RELL1: variants seen among roughly 807,000 people sequenced by gnomAD.
The protein encoded by RELL1 is RELT like 1.
In RELL1, 10 loss-of-function variants were observed where a neutral mutation model predicts 23.0. The ratio of observed to expected loss-of-function variants is 0.43; its 90% CI spans 0.27 to 0.74. The LOEUF is 0.74. Among genes scored for constraint, RELL1 ranks in the 30% least tolerant of loss-of-function variants. The probability of loss-of-function intolerance (pLI) is 0.19; values close to 1 mark genes in which losing one functional copy is unlikely to be tolerated. For missense variants in RELL1, 315 were observed against 364.4 expected (o/e 0.86, Z 1.10); for synonymous variants, 146 against 146.8 (o/e 0.99, Z 0.04).
chr4:37,670,651 A>G (rs910002798), intron 1 of RELL1, among the ~76,000 whole-genome samples: 2 of 151,696 alleles, frequency 1.3e-5, no homozygotes, highest in Non-Finnish European at 2.9e-5. Context: ...GCTCACTGCA[A>G]CCTCTGCCTT....
intron 1 of RELL1, among the ~76,000 whole-genome samples, chr4:37,684,227 G>A (rs1722323723): frequency 6.6e-6 from 1 of 152,070 alleles, no homozygotes; most frequent in Non-Finnish European, 1.5e-5. Context: ...TGGTTGCAAG[G>A]GGATCAGATG....
chr4:37,590,646 C>A (rs1277970798), downstream of RELL1: 2 of 1,614,138 alleles, frequency 1.2e-6, no homozygotes. Flanking sequence ...CAGCTGGAGA[C>A]AACGTTGATC....
intron 6 of RELL1, among the ~76,000 whole-genome samples, chr4:37,598,472 C>T (rs1718936070): frequency 6.6e-6 from 1 of 151,892 alleles, no homozygotes; most frequent in South Asian, 2.1e-4. Context: ...ATTTTCAGTA[C>T]TGCTATGTGT....
intron 3 of RELL1, among the ~76,000 whole-genome samples, chr4:37,646,971 C>T (rs1425560781): frequency 6.6e-6 from 1 of 152,150 alleles, no homozygotes; most frequent in Non-Finnish European, 1.5e-5. Context: ...GTAATCCTCC[C>T]ACCTCAGCCT....
At chr4:37,679,482 A>G (rs1424037938) in intron 1 of RELL1, among the ~76,000 whole-genome samples, 2 of 152,242 alleles carry the variant, frequency 1.3e-5, no homozygotes, top group Admixed American at 1.3e-4. Context: ...GCGAAAATGC[A>G]GGACCATAAT....
chr4:37,593,739 C>T (rs1464392799), intron 6 of RELL1, among the ~76,000 whole-genome samples: 1 of 152,108 alleles, frequency 6.6e-6, no homozygotes, highest in African/African-American at 2.4e-5. Context: ...CACAGGAGGT[C>T]TCAAAACCCA....
intron 1 of RELL1, among the ~76,000 whole-genome samples, chr4:37,671,022 A>C (rs1721816992): frequency 6.6e-6 from 1 of 152,168 alleles, no homozygotes; most frequent in African/African-American, 2.4e-5. Flanking sequence ...ATTTTTCCTA[A>C]ACCCAGTTCT....
At chr4:37,631,166 C>G (rs549516465) in intron 6 of RELL1, among the ~76,000 whole-genome samples, 3 of 152,266 alleles carry the variant, frequency 2.0e-5, no homozygotes, top group African/African-American at 7.2e-5. Flanking sequence ...TCACACAGGC[C>G]AAGCCCCTGG....
chr4:37,601,925 G>A (rs921002352), intron 6 of RELL1, among the ~76,000 whole-genome samples: 1 of 152,082 alleles, frequency 6.6e-6, no homozygotes, highest in African/African-American at 2.4e-5. Context: ...GGGCTTGAAA[G>A]CAACCAGGCT....
chr4:37,680,931 CA>C (rs397992973), intron 1 of RELL1, among the ~76,000 whole-genome samples: 12,256 of 73,530 alleles, frequency 0.17, 924 homozygotes, highest in African/African-American at 0.37. Flanking sequence ...CACTCCATCT[CA>C]AAAAAAAAAA....
chr4:37,635,270 C>T (rs1341362085), intron 4 of RELL1, 147 bp from the exon 5 acceptor site: 1 of 640,532 alleles, frequency 1.6e-6, no homozygotes, highest in East Asian at 2.7e-5. Context: ...TGTGAACAGA[C>T]CTCAGACAGC....
intron 1 of RELL1, among the ~76,000 whole-genome samples, chr4:37,684,443 A>AAC (rs1340243138): frequency 6.6e-6 from 1 of 152,232 alleles, no homozygotes; most frequent in East Asian, 1.9e-4. Flanking sequence ...GGTCAAACCA[A>AAC]ACACACACCC....
At position 37,668,785 on chromosome 4, in the gene RELL1, G is replaced by C. The variant is rs190953168; in HGVS notation, c.88+17415C>G. Among the ~76,000 whole-genome samples, 18 of 132,770 alleles carry C rather than the reference G, an allele frequency of 1.4e-4. 1 individual carries two copies. Among genetic ancestry groups the C allele is most frequent in the Non-Finnish European group, 4.6e-5 (3 of 64,820 alleles). 87.1% of individuals were successfully genotyped at this position (132,770 alleles called of 152,430 possible). A position where few individuals can be genotyped will look rare whatever the true frequency, so the allele number is the denominator to read the frequency against. On this transcript the variant is annotated intron_variant, in intron 1 of 6. Transcript: ENST00000454158. ...TAGGAAGTGAGGAGCGCCTCTTCCC[G>C]GCCGCCACCCCATCTAGGAAGTGAG...
intron 6 of RELL1, among the ~76,000 whole-genome samples, chr4:37,623,899 A>AT (rs1560333536): frequency 6.6e-6 from 1 of 152,242 alleles, no homozygotes; most frequent in East Asian, 1.9e-4. Context: ...AAAAAGATGC[A>AT]TTTTTTCCTG....
intron 6 of RELL1, among the ~76,000 whole-genome samples, chr4:37,601,151 A>G (rs1252634166): frequency 1.3e-5 from 2 of 152,224 alleles, no homozygotes; most frequent in African/African-American, 4.8e-5. Flanking sequence ...GGAGAACCTC[A>G]GGCCCCATAG....
chr4:37,604,525 G>A (rs546906731), intron 6 of RELL1, among the ~76,000 whole-genome samples: 3 of 145,740 alleles, frequency 2.1e-5, no homozygotes, highest in East Asian at 2.1e-4. Flanking sequence ...ACACACACAC[G>A]CACACTCCAA....
chr4:37,649,744 C>T (rs187154193), intron 1 of RELL1, among the ~76,000 whole-genome samples: 1 of 152,344 alleles, frequency 6.6e-6, no homozygotes, highest in Admixed American at 6.5e-5. Flanking sequence ...CCTTTGAAGA[C>T]AGCTTCTTCT....
At chr4:37,615,485 C>T (rs1172827634) in intron 6 of RELL1, among the ~76,000 whole-genome samples, 1 of 152,180 alleles carries the variant, frequency 6.6e-6, no homozygotes, top group Non-Finnish European at 1.5e-5. Flanking sequence ...TCCATATTGT[C>T]CTGCAGCAGT....
intron 6 of RELL1, among the ~76,000 whole-genome samples, chr4:37,593,703 C>A (rs576364475): frequency 3.3e-5 from 5 of 152,138 alleles, no homozygotes; most frequent in Admixed American, 3.3e-4. Flanking sequence ...CAATGAGTTT[C>A]GAGGCGGTCA....
Sources: allele counts gnomAD v4.1 joint callset (sites outside exome capture counted in the v4.1 genomes callset), GRCh38; gene constraint gnomAD v4.1.1; transcripts MANE v1.5; gene names NCBI Gene and HGNC (gene_info 2026-07-23, HGNC 2026-07-21).